SMYD3: variants seen among roughly 807,000 people sequenced by gnomAD.
SMYD3 encodes the protein SET and MYND domain containing 3.
SMYD3 carries 36 observed loss-of-function variants against 57.7 expected under a neutral mutation model. The ratio of observed to expected loss-of-function variants is 0.62; its 90% confidence interval spans 0.48 to 0.82. The LOEUF (loss-of-function observed/expected upper bound fraction) is 0.82, where lower values mean the gene tolerates loss of function less well. Among genes scored for constraint, SMYD3 ranks in the 40% least tolerant of loss-of-function variants. The pLI, the probability that SMYD3 is intolerant of heterozygous loss-of-function variation, is 0.00. For missense variants in SMYD3, 515 were observed against 538.8 expected (o/e 0.96, Z 0.44); for synonymous variants, 211 against 195.0 (o/e 1.08, Z -0.68).
chr1:246,241,391 T>A (rs546235247), intron 5 of SMYD3, among the ~76,000 whole-genome samples: 166 of 152,314 alleles, frequency 1.1e-3, no homozygotes, highest in African/African-American at 3.7e-3. Context: ...TGATGGATTA[T>A]GTTTATTGAT....
chr1:246,056,695 C>A (rs549318165), intron 5 of SMYD3, among the ~76,000 whole-genome samples: 32 of 151,948 alleles, frequency 2.1e-4, no homozygotes, highest in Non-Finnish European at 1.6e-4. Context: ...TGCTAATTAC[C>A]CTGATTTGAT....
chr1:246,113,184 AAAATAAAT>A lies in SMYD3; in HGVS notation c.532-183255_532-183248del, dbSNP rs61169442. Among the ~76,000 whole-genome samples, 847 of 145,516 alleles carry A rather than the reference AAAATAAAT, an allele frequency of 5.8e-3. 4 individuals carry two copies. The highest frequency in any genetic ancestry group is 0.011 in the East Asian group (53 of 4,846). ...GCAACAGAGTAAGACTCTGTCTCAA[AAAATAAAT>A]AAATAAATAAATAAATAAATAAATA... On this transcript the variant is annotated intron_variant, in intron 5 of 11. Coordinates refer to ENST00000490107, the MANE Select transcript of SMYD3 (RefSeq NM_001167740.2).
chr1:245,849,524 A>T (rs1381562553), intron 10 of SMYD3, among the ~76,000 whole-genome samples: 1 of 152,212 alleles, frequency 6.6e-6, no homozygotes, highest in Non-Finnish European at 1.5e-5. Flanking sequence ...TCTAGAACCC[A>T]GTGTTGATCA....
At chr1:246,188,608 T>G (rs1162654008) in intron 5 of SMYD3, among the ~76,000 whole-genome samples, 1 of 152,080 alleles carries the variant, frequency 6.6e-6, no homozygotes, top group African/African-American at 2.4e-5. Flanking sequence ...GGTTGACATT[T>G]TTTTTTTTAA....
rs139636106 is a variant in SMYD3, at chr1:246,342,858, TAAC to T, written c.229-7387_229-7385del. On this transcript the variant is annotated intron_variant, in intron 2 of 11. Coordinates refer to ENST00000490107, the MANE Select transcript of SMYD3 (RefSeq NM_001167740.2). The stretch of plus-strand genomic sequence containing the variant: ...AGGAACCTATAATATGAGACAATAA[TAAC>T]AACAGTGCCCCCAAAGTAAGTCAAT... 8.2e-3 allele frequency among the ~76,000 whole-genome samples: 1,248 copies of T among 152,288 alleles called. 18 individuals are homozygous for T. Among genetic ancestry groups the T allele is most frequent in the African/African-American group, 0.028 (1,156 of 41,556 alleles).
intron 5 of SMYD3, among the ~76,000 whole-genome samples, chr1:246,270,284 T>C (rs1312260902): frequency 6.6e-6 from 1 of 152,214 alleles, no homozygotes; most frequent in African/African-American, 2.4e-5. Context: ...TCCTCCTAGA[T>C]TGAAACTGTT....
chr1:246,090,011 G>A (rs2060794068), intron 5 of SMYD3, among the ~76,000 whole-genome samples: 1 of 151,086 alleles, frequency 6.6e-6, no homozygotes. Flanking sequence ...GTTTTTCTCT[G>A]TTCTTTTTCT....
chr1:246,457,389 C>T (rs2067713806), intron 1 of SMYD3, among the ~76,000 whole-genome samples: 1 of 151,684 alleles, frequency 6.6e-6, no homozygotes. Flanking sequence ...AAAAATTAGC[C>T]AGCCATGATG....
At chr1:246,201,408 C>T (rs2062921702) in intron 5 of SMYD3, among the ~76,000 whole-genome samples, 1 of 152,204 alleles carries the variant, frequency 6.6e-6, no homozygotes, top group African/African-American at 2.4e-5. Context: ...AGCTTAAGCA[C>T]ACGCATGCTA....
chr1:246,295,986 A>C (rs572320923), intron 5 of SMYD3, among the ~76,000 whole-genome samples: 1 of 152,318 alleles, frequency 6.6e-6, no homozygotes, highest in South Asian at 2.1e-4. Context: ...GTATGTATGC[A>C]TGTATGCATG....
intron 1 of SMYD3, among the ~76,000 whole-genome samples, chr1:246,447,843 C>T (rs546227795): frequency 6.6e-6 from 1 of 152,292 alleles, no homozygotes; most frequent in South Asian, 2.1e-4. Context: ...TTGCTTTCCT[C>T]CCACTTTTTT....
intron 5 of SMYD3, among the ~76,000 whole-genome samples, chr1:246,287,187 A>G (rs1391886275): frequency 6.6e-6 from 1 of 152,220 alleles, no homozygotes; most frequent in East Asian, 1.9e-4. Flanking sequence ...TAACATTTTA[A>G]AAAACAACAA....
chr1:246,458,434 CATTCT>C (rs2067737503), intron 1 of SMYD3, among the ~76,000 whole-genome samples: 1 of 134,454 alleles, frequency 7.4e-6, no homozygotes, highest in Non-Finnish European at 1.6e-5. Flanking sequence ...GTAGAAAAGT[CATTCT>C]TTTTTTTTTT....
chr1:246,109,518 A>G (rs2061192088), intron 5 of SMYD3, among the ~76,000 whole-genome samples: 1 of 152,362 alleles, frequency 6.6e-6, no homozygotes, highest in Middle Eastern at 3.4e-3. Flanking sequence ...AAGAATCCAA[A>G]GGAATTTTTA....
In SMYD3 at chr1:246,202,178, C is replaced by T. The variant is rs1055601693; in HGVS notation, c.531+125023G>A. Among the ~76,000 whole-genome samples, 1 of 151,968 alleles carries T rather than the reference C, an allele frequency of 6.6e-6. No individual in the cohort carries two copies. The highest frequency in any genetic ancestry group is 1.5e-5 in the Non-Finnish European group (1 of 68,010). ...ACTTAACGATATTTTCTATAATGTA[C>T]TTTTATGATTTGAAATATTTTTAAT... On this transcript the variant is annotated intron_variant, in intron 5 of 11. Coordinates refer to ENST00000490107, the MANE Select transcript of SMYD3 (RefSeq NM_001167740.2). The surrounding 1 kb of genome is among the most constrained non-coding windows in gnomAD (Gnocchi z 4.1).
At chr1:245,861,832 T>G (rs939172368) in intron 9 of SMYD3, among the ~76,000 whole-genome samples, 2 of 151,150 alleles carry the variant, frequency 1.3e-5, no homozygotes, top group Non-Finnish European at 1.5e-5. Flanking sequence ...GACATTTTAC[T>G]ACCCCACAAT....
intron 10 of SMYD3, among the ~76,000 whole-genome samples, chr1:245,776,926 C>T (rs1196047661): frequency 6.6e-6 from 1 of 152,222 alleles, no homozygotes; most frequent in Admixed American, 6.5e-5. Context: ...TCCACAGCTG[C>T]TTTCAAGCTA....
chr1:246,425,272 T>A (rs1249831146), intron 1 of SMYD3, among the ~76,000 whole-genome samples: 1 of 152,032 alleles, frequency 6.6e-6, no homozygotes, highest in Non-Finnish European at 1.5e-5. Context: ...CCCACCCACA[T>A]ATGGTTCCAT....
At chr1:246,430,210 G>A (rs998827743) in intron 1 of SMYD3, among the ~76,000 whole-genome samples, 10 of 152,212 alleles carry the variant, frequency 6.6e-5, no homozygotes, top group African/African-American at 2.4e-4. Flanking sequence ...GAAACGGAAT[G>A]AAGTAATGCT....
Sources: gnomAD v4.1 joint callset for allele counts (sites outside exome capture counted in the v4.1 genomes callset) on GRCh38, gnomAD v4.1.1 for gene constraint, Gnocchi (gnomAD v3.1) non-coding constraint, MANE v1.5 for transcripts, NCBI Gene and HGNC (gene_info 2026-07-23, HGNC 2026-07-21) for gene names.